Variants in ATXN10 observed in about 807,000 individuals in gnomAD.
ATXN10 encodes ataxin 10, also known as ataxin-10.
In ATXN10, 28 loss-of-function variants were observed where a neutral mutation model predicts 52.9. The observed-to-expected ratio is 0.53, with a 90% CI of 0.39 to 0.73. ATXN10 has a LOEUF of 0.73. ATXN10 is among the 30% of genes least tolerant of loss of function. ATXN10 has a pLI of 0.00. For synonymous variants in ATXN10, 226 were observed against 221.5 expected (o/e 1.02, Z -0.18); for missense variants, 565 against 577.0 (o/e 0.98, Z 0.21).
chr22:45,761,937 G>A (rs932316294), intron 9 of ATXN10, among the ~76,000 whole-genome samples: 9 of 152,124 alleles, frequency 5.9e-5, no homozygotes, highest in African/African-American at 2.2e-4. Flanking sequence ...CATCTGACTG[G>A]GATGAAGTAG....
At position 45,727,858 on chromosome 22, in the gene ATXN10, T is replaced by A. The variant is rs1442603295; in HGVS notation, c.729-1567T>A. ...ATAATGACCTTCTTTGTCTTTTTTT[T>A]ACTGTTGTTGCTTTAAAGTCTATTT... On this transcript the variant is annotated intron_variant, in intron 6 of 11. Transcript: ENST00000252934. The surrounding 1 kb of genome is among the most constrained non-coding windows in gnomAD (Gnocchi z 4.6). Among the ~76,000 whole-genome samples the A allele has an allele frequency of 2.6e-5, 4 of 152,154 alleles. No homozygotes were observed. The highest frequency in any genetic ancestry group is 5.9e-5 in the Non-Finnish European group (4 of 68,030).
At chr22:45,731,667 T>G (rs542022045) in intron 7 of ATXN10, among the ~76,000 whole-genome samples, 46 of 152,196 alleles carry the variant, frequency 3.0e-4, no homozygotes, top group Non-Finnish European at 5.9e-4. Context: ...TGTGATCCGA[T>G]ACTGTGAAAC....
intron 5 of ATXN10, among the ~76,000 whole-genome samples, chr22:45,706,702 C>CTAAATGTCCTTTTGTTACGGTTTTT (rs1601598645): frequency 8.8e-4 from 1 of 1,134 alleles, no homozygotes; most frequent in East Asian, 0.024. Flanking sequence ...ATATTTGTTT[C>CTAAATGTCCTTTTGTTACGGTTTTT]TAATTTTATT....
rs1046680778 is a variant in ATXN10, at chr22:45,766,827, A to G, written c.1173+26289A>G. Among the ~76,000 whole-genome samples, 6 of 152,376 alleles carry G rather than the reference A, an allele frequency of 3.9e-5. No homozygotes were observed. The highest frequency in any genetic ancestry group is 1.9e-4 in the East Asian group (1 of 5,194). The stretch of plus-strand genomic sequence containing the variant: ...TTTCCAAAAATAAAGGAAAAAACCA[A>G]TAGCCCTACAGAAAAATGGATAAAA... On this transcript the variant is annotated intron_variant, in intron 9 of 11. Transcript: ENST00000252934. This position sits in a 1 kb window ranked among gnomAD's most constrained non-coding sequence, Gnocchi z 4.6.
At chr22:45,761,784 C>G (rs1926400010) in intron 9 of ATXN10, among the ~76,000 whole-genome samples, 1 of 152,072 alleles carries the variant, frequency 6.6e-6, no homozygotes, top group African/African-American at 2.4e-5. Context: ...CTAAATGGGC[C>G]TTTAATTAAA....
At position 45,828,781 on chromosome 22, in the gene ATXN10, CAAAG is replaced by C. The variant is rs549142901; in HGVS notation, c.1238-14206_1238-14203del. The stretch of plus-strand genomic sequence containing the variant: ...ATTAAATCAGCAATGAAAAATCTCA[CAAAG>C]AAAAGCCCTAAACCTGATGCCTTCA... On this transcript the variant is annotated intron_variant, in intron 10 of 11. Coordinates refer to ENST00000252934, the MANE Select transcript of ATXN10 (RefSeq NM_013236.4). This position sits in a 1 kb window ranked among gnomAD's most constrained non-coding sequence, Gnocchi z 4.5. 1.6e-3 allele frequency among the ~76,000 whole-genome samples: 249 copies of C among 152,222 alleles called. 1 individual carries two copies. Among genetic ancestry groups the C allele is most frequent in the African/African-American group, 5.7e-3 (237 of 41,522 alleles).
At chr22:45,809,291 G>A (rs990250510) in intron 10 of ATXN10, among the ~76,000 whole-genome samples, 3 of 151,756 alleles carry the variant, frequency 2.0e-5, no homozygotes, top group Non-Finnish European at 4.4e-5. Context: ...TTTACTCCTC[G>A]CTTCCCATTC....
rs370991974 is a variant in ATXN10 at position 45,732,299 on chromosome 22, A to C, written c.894+2709A>C. 5.9e-5 allele frequency among the ~76,000 whole-genome samples: 9 copies of C among 152,090 alleles called. No homozygotes were observed. The highest frequency in any genetic ancestry group is 1.9e-4 in the African/African-American group (8 of 41,536). ...GGAGACTCCATCTGTACAAAAAAAAAACACAAAGAATTAGCTGGGTGTGGT... is the reference window on the plus strand; with the variant it reads ...GGAGACTCCATCTGTACAAAAAAAACACACAAAGAATTAGCTGGGTGTGGT... On this transcript the variant is annotated intron_variant, in intron 7 of 11. Transcript: ENST00000252934. This position sits in a 1 kb window ranked among gnomAD's most constrained non-coding sequence, Gnocchi z 4.5.
At chr22:45,776,154 A>G (rs939034851) in intron 9 of ATXN10, among the ~76,000 whole-genome samples, 3 of 152,234 alleles carry the variant, frequency 2.0e-5, no homozygotes, top group African/African-American at 7.2e-5. Context: ...AGTAGTTTGC[A>G]GAATAAAAAA....
rs988689478 is a variant in ATXN10, at chr22:45,727,523, A to G, written c.729-1902A>G. On this transcript the variant is annotated intron_variant, in intron 6 of 11. Transcript: ENST00000252934. This position sits in a 1 kb window ranked among gnomAD's most constrained non-coding sequence, Gnocchi z 4.6. The stretch of plus-strand genomic sequence containing the variant: ...CAGGCCCCTGCCACCACGGCTGGCT[A>G]GTTGTTTTTGTATTTTTAGTAGAGA... Among the ~76,000 whole-genome samples, 9 of 151,644 alleles carry G rather than the reference A, an allele frequency of 5.9e-5. No homozygotes were observed. Among genetic ancestry groups the G allele is most frequent in the African/African-American group, 1.9e-4 (8 of 41,238 alleles).
intron 5 of ATXN10, among the ~76,000 whole-genome samples, chr22:45,707,320 T>C (rs1001705143): frequency 1.3e-5 from 2 of 152,168 alleles, no homozygotes; most frequent in Admixed American, 6.5e-5. Context: ...TATCATTCTA[T>C]TGAAATTATA....
chr22:45,840,225 G>A lies in ATXN10; in HGVS notation c.1238-2766G>A, dbSNP rs1013950571. Among the ~76,000 whole-genome samples the A allele has an allele frequency of 6.6e-6, 1 of 152,186 alleles. No homozygotes were observed. The highest frequency in any genetic ancestry group is 1.5e-5 in the Non-Finnish European group (1 of 68,042). Reference sequence around the variant, plus strand: ...TGAACATCCACTTTGTGCTGGGAACGAGACTCGGTGCTAGGATATCGAAGT... The same window carrying A: ...TGAACATCCACTTTGTGCTGGGAACAAGACTCGGTGCTAGGATATCGAAGT... On this transcript the variant is annotated intron_variant, in intron 10 of 11. Transcript: ENST00000252934. The surrounding 1 kb of genome is among the most constrained non-coding windows in gnomAD (Gnocchi z 5.8).
At chr22:45,797,786 C>G (rs947439385) in intron 9 of ATXN10, among the ~76,000 whole-genome samples, 1 of 152,080 alleles carries the variant, frequency 6.6e-6, no homozygotes, top group African/African-American at 2.4e-5. Context: ...AAAGATTGAT[C>G]AATCTTTCCA....
At chr22:45,726,166 TAG>T (rs1368952992) in intron 6 of ATXN10, among the ~76,000 whole-genome samples, 6 of 152,244 alleles carry the variant, frequency 3.9e-5, no homozygotes, top group Non-Finnish European at 8.8e-5. Context: ...ACTGGCTTCA[TAG>T]AGTGAATTAG....
chr22:45,764,264 G>A (rs1394225727), intron 9 of ATXN10, among the ~76,000 whole-genome samples: 2 of 136,024 alleles, frequency 1.5e-5, no homozygotes, highest in Non-Finnish European at 3.1e-5. Context: ...ACTCAGGCAA[G>A]CCTTGTTGCC....
In ATXN10 at chr22:45,827,682, T is replaced by C. The variant is rs192705519; in HGVS notation, c.1238-15309T>C. Among the ~76,000 whole-genome samples the C allele has an allele frequency of 1.3e-4, 20 of 152,242 alleles. No individual in the cohort carries two copies. In the East Asian group the frequency reaches 2.5e-3, roughly 19 times the overall value. On this transcript the variant is annotated intron_variant, in intron 10 of 11. Coordinates refer to ENST00000252934, the MANE Select transcript of ATXN10 (RefSeq NM_013236.4). ...GAAGGAAGAAATAGTTCTACAGTAATAGTTGGAAACTTCATTACCCTACTC... is the reference window on the plus strand; with the variant it reads ...GAAGGAAGAAATAGTTCTACAGTAACAGTTGGAAACTTCATTACCCTACTC...
At position 45,705,910 on chromosome 22, in the gene ATXN10, C is replaced by T. The variant is rs1456177787; in HGVS notation, c.647+3063C>T. Among the ~76,000 whole-genome samples, 1 of 152,152 alleles carries T rather than the reference C, an allele frequency of 6.6e-6. No homozygotes were observed. The highest frequency in any genetic ancestry group is 1.5e-5 in the Non-Finnish European group (1 of 68,020). ...GGACCACATAGCACAAGATAAGCAG[C>T]AGGCAAGCAAGCATTCCTGCCTGAG... On this transcript the variant is annotated intron_variant, in intron 5 of 11. Coordinates refer to ENST00000252934, the MANE Select transcript of ATXN10 (RefSeq NM_013236.4). This position sits in a 1 kb window ranked among gnomAD's most constrained non-coding sequence, Gnocchi z 5.2.
chr22:45,756,015 T>C (rs1013501236), intron 9 of ATXN10, among the ~76,000 whole-genome samples: 8 of 151,932 alleles, frequency 5.3e-5, no homozygotes, highest in East Asian at 1.9e-4. Context: ...ACCTCCTCCT[T>C]CTGCCATGTT....
In ATXN10 at chr22:45,826,676, TTGTC is replaced by T. The variant is rs1352341191; in HGVS notation, c.1238-16310_1238-16307del. ...GAAAAAACTGTCAACTAAGAATCGTTTGTCTGTCCAAACTGTCCTTCAAACATGA... is the reference window on the plus strand; with the variant it reads ...GAAAAAACTGTCAACTAAGAATCGTTTGTCCAAACTGTCCTTCAAACATGA... On this transcript the variant is annotated intron_variant, in intron 10 of 11. Transcript: ENST00000252934. This position sits in a 1 kb window ranked among gnomAD's most constrained non-coding sequence, Gnocchi z 5.0. 6.6e-6 allele frequency among the ~76,000 whole-genome samples: 1 copy of T among 152,216 alleles called. No individual in the cohort carries two copies. Among genetic ancestry groups the T allele is most frequent in the East Asian group, 1.9e-4 (1 of 5,208 alleles).
Sources: allele counts gnomAD v4.1 joint callset (sites outside exome capture counted in the v4.1 genomes callset), GRCh38; gene constraint gnomAD v4.1.1; non-coding constraint Gnocchi (gnomAD v3.1); transcripts MANE v1.5; gene names NCBI Gene and HGNC (gene_info 2026-07-23, HGNC 2026-07-21).